The following TMC6 variants were observed in gnomAD, a reference collection of about 807,000 sequenced individuals.
TMC6 encodes transmembrane channel like 6, also known as transmembrane channel-like protein 6.
In TMC6, 71 loss-of-function variants were observed where a neutral mutation model predicts 95.4. The observed-to-expected ratio is 0.74, with a 90% CI of 0.61 to 0.91. The LOEUF (loss-of-function observed/expected upper bound fraction) is 0.91. TMC6 is among the 40% of genes least tolerant of loss of function. The probability of loss-of-function intolerance (pLI) is 0.00; values close to 1 mark genes in which losing one functional copy is unlikely to be tolerated. For missense variants in TMC6, 1,074 were observed against 1,079.1 expected (o/e 1.00, Z 0.07); for synonymous variants, 514 against 483.1 (o/e 1.06, Z -0.84).
At position 78,121,637 on chromosome 17, in the gene TMC6, C is replaced by T. The variant is rs754789741; in HGVS notation, c.1302G>A (p.Leu434=). Residue 434 remains leucine (L), a synonymous_variant, in exon 11 of 20, where the codon CTG becomes CTA. Transcript: ENST00000590602. This position sits in a 1 kb window ranked among gnomAD's most constrained non-coding sequence, Gnocchi z 5.6. ...VCGRLRQAAV[L]GLVWLLCLGT... is the part of the protein sequence containing the mutation. ...CCAGACACAGCAGCCACACAAGCCC[C>T]AGCACAGCCGCCTGCCGCAGCCTCC... The T allele has an allele frequency of 1.9e-6, 3 of 1,607,974 alleles. No homozygotes were observed.
chr17:78,113,696 T>C, intron 18 of TMC6, 72 bp from the exon 19 acceptor site: 1 of 1,522,856 alleles, frequency 6.6e-7, no homozygotes, highest in Non-Finnish European at 9.1e-7. Context: ...TGTTCCAAAC[T>C]GCATTTGAGG....
upstream of TMC6, among the ~76,000 whole-genome samples, chr17:78,129,265 G>C (rs1389231736): frequency 6.6e-6 from 1 of 152,134 alleles, no homozygotes; most frequent in Admixed American, 6.6e-5. This position sits in a 1 kb window ranked among gnomAD's most constrained non-coding sequence, Gnocchi z 4.3. Flanking sequence ...GCTGTGTGGA[G>C]AGGAGGGGAT....
Position 78,126,607 on chromosome 17 carries a change from G to T in TMC6, c.98C>A (p.Ser33Tyr). ...CTGCTCCTGGATGAGCTGCTGGAAGGAGTCGTGCACTTCGCTTTCATCATA... is the reference window on the plus strand; with the variant it reads ...CTGCTCCTGGATGAGCTGCTGGAAGTAGTCGTGCACTTCGCTTTCATCATA... ...SPYDESEVHD[S>Y]FQQLIQEQSQ... The change falls in exon 3 of 20, where the codon TCC becomes TAC. Residue 33 changes from serine (S) to tyrosine (Y), a missense_variant. Physicochemically the swap from Ser to Tyr is moderately radical, Grantham distance 144. Transcript: ENST00000590602. 1.2e-6 allele frequency: 2 copies of T among 1,613,674 alleles called. No homozygotes were observed. Among genetic ancestry groups the T allele is most frequent in the Non-Finnish European group, 1.7e-6 (2 of 1,180,002 alleles).
rs1374894304 is a variant in TMC6, at chr17:78,122,614, G to A, written c.1218C>T (p.Thr406=). ...CTCCGGGGCCACTCACCTTCAGCCG[G>A]GTGCGAATATTGTCCTGCTGGAGGC... The part of the protein sequence containing the change: ...ASRLQQDNIR[T]RLKELLAEWQ... The change falls in exon 10 of 20, where the codon ACC becomes ACT. Residue 406 remains threonine (T), a synonymous_variant. Transcript: ENST00000590602. The surrounding 1 kb of genome is among the most constrained non-coding windows in gnomAD (Gnocchi z 4.9). 2 of 1,610,594 alleles carry A rather than the reference G, an allele frequency of 1.2e-6. No homozygotes were observed. Among genetic ancestry groups the A allele is most frequent in the Non-Finnish European group, 1.7e-6 (2 of 1,179,878 alleles).
At chr17:78,132,265 A>C, upstream of TMC6, 1 of 1,490,164 alleles carries the variant, frequency 6.7e-7, no homozygotes, top group Non-Finnish European at 9.2e-7. Context: ...CCTGGCGGGC[A>C]CCCCACGCCG....
chr17:78,130,131 A>G (rs977544483), upstream of TMC6, among the ~76,000 whole-genome samples: 2 of 152,166 alleles, frequency 1.3e-5, no homozygotes, highest in African/African-American at 2.4e-5. Context: ...TATGTCTTAA[A>G]CATCTAGCCT....
intron 4 of TMC6, 50 bp from the exon 5 acceptor site, chr17:78,125,934 C>T (rs1389200084): frequency 6.5e-7 from 1 of 1,548,690 alleles, no homozygotes; most frequent in African/African-American, 1.4e-5. Flanking sequence ...AGGCCTCCCT[C>T]CCCTCAGGAT....
intron 12 of TMC6, 60 bp downstream of exon 12, chr17:78,120,953 G>C: frequency 6.2e-7 from 1 of 1,612,664 alleles, no homozygotes; most frequent in Non-Finnish European, 8.5e-7. Flanking sequence ...GATACACCCG[G>C]AGCTAAACAA....
Position 78,117,634 on chromosome 17 carries a change from A to G in TMC6, c.2032T>C (p.Ser678Pro). The change falls in exon 17 of 20, where the codon TCG becomes CCG. Residue 678 changes from serine (S) to proline (P), a missense_variant. Physicochemically the swap from Ser to Pro is moderately conservative, Grantham distance 74 (BLOSUM62 -1). Transcript: ENST00000590602. ...GTCCGGAAGGGGCCGCAGGTGCTCG[A>G]GGGCTTCACCCTGGGGAAGATGCCG... ...LCYAVWQVKPSSTCGPFRTLD... is the reference protein window; with the variant it reads ...LCYAVWQVKPPSTCGPFRTLD... 6.4e-7 allele frequency: 1 copy of G among 1,571,594 alleles called. No individual in the cohort carries two copies. The highest frequency in any genetic ancestry group is 8.6e-7 in the Non-Finnish European group (1 of 1,159,406).
intron 18 of TMC6, among the ~76,000 whole-genome samples, chr17:78,116,905 C>T (rs1398383729): frequency 1.3e-5 from 2 of 152,188 alleles, no homozygotes; most frequent in Admixed American, 6.5e-5. Context: ...TAAGTCCTAA[C>T]TCTCAACCTT....
At chr17:78,118,416 T>C (rs1437786824) in intron 15 of TMC6, among the ~76,000 whole-genome samples, 12 of 151,914 alleles carry the variant, frequency 7.9e-5, no homozygotes, top group South Asian at 2.1e-4. Context: ...ATTAGCTGGG[T>C]GTGGTGGCGG....
Position 78,122,612 on chromosome 17 carries a change from C to A in TMC6, c.1220G>T (p.Arg407Leu). 6.2e-7 allele frequency: 1 copy of A among 1,610,448 alleles called. No individual in the cohort carries two copies. The highest frequency in any genetic ancestry group is 8.5e-7 in the Non-Finnish European group (1 of 1,179,842). ...TGCTCCGGGGCCACTCACCTTCAGC[C>A]GGGTGCGAATATTGTCCTGCTGGAG... ...SRLQQDNIRT[R>L]LKELLAEWQL... The change falls in exon 10 of 20, where the codon CGG becomes CTG. Residue 407 changes from arginine to leucine, a missense_variant. By Grantham distance (102) the Arg-to-Leu change is moderately radical (BLOSUM62 -2). Coordinates refer to ENST00000590602, the MANE Select transcript of TMC6 (RefSeq NM_001127198.5). The surrounding 1 kb of genome is among the most constrained non-coding windows in gnomAD (Gnocchi z 4.9).
intron 18 of TMC6, among the ~76,000 whole-genome samples, chr17:78,116,153 T>C (rs2074099026): frequency 1.3e-5 from 2 of 151,900 alleles, no homozygotes; most frequent in African/African-American, 2.4e-5. Context: ...ATTTTTGTAC[T>C]TTTAGTAGAG....
rs1460098326 is a variant in TMC6 at position 78,117,259 on chromosome 17, G to A, written c.2277+10C>T. ...GTGGGGGCTGAGAGCAGCCCAGGAG[G>A]GGCACTCACATTGCTGATCTGCTCC... On this transcript the variant is annotated intron_variant, in intron 18 of 19. Transcript: ENST00000590602. 5.6e-6 allele frequency: 9 copies of A among 1,613,306 alleles called. No individual in the cohort carries two copies. Among genetic ancestry groups the A allele is most frequent in the Non-Finnish European group, 7.6e-6 (9 of 1,179,908 alleles).
intron 8 of TMC6, 72 bp from the exon 9 acceptor site, chr17:78,124,251 C>T: frequency 6.3e-7 from 1 of 1,582,244 alleles, no homozygotes; most frequent in Non-Finnish European, 8.6e-7. Context: ...CTGACAGCCA[C>T]AGGGGCAGAG....
chr17:78,127,024 C>A, intron 1 of TMC6, 118 bp from the exon 2 acceptor site: 2 of 669,762 alleles, frequency 3.0e-6, no homozygotes, highest in Non-Finnish European at 2.6e-6. Flanking sequence ...GTCCCGCCCA[C>A]CCCCCTATCA....
intron 1 of TMC6, among the ~76,000 whole-genome samples, chr17:78,127,971 C>G (rs1305047426): frequency 6.6e-6 from 1 of 152,216 alleles, no homozygotes; most frequent in Non-Finnish European, 1.5e-5. Flanking sequence ...GGACAGCTGC[C>G]GAAAGAGGGG....
At position 78,112,232 on chromosome 17, in the gene TMC6, G is replaced by A. The variant is rs935842474; in HGVS notation, c.*916C>T. ...GCAGGCCTGGAGAACTGAGGCTGAC[G>A]GGCTGGTCCCCGCAGGCCTGGAGCC... On this transcript the variant is annotated 3_prime_UTR_variant, in exon 20 of 20. Transcript: ENST00000590602. 10 of 266,388 alleles carry A rather than the reference G, an allele frequency of 3.8e-5. No homozygotes were observed. The highest frequency in any genetic ancestry group is 5.2e-5 in the Non-Finnish European group (7 of 135,780). The allele number at this position is 266,388 out of a possible 1,614,324, so 16.5% of individuals were successfully genotyped here.
upstream of TMC6, among the ~76,000 whole-genome samples, chr17:78,129,567 C>T (rs1205346570): frequency 1.3e-5 from 2 of 152,100 alleles, no homozygotes; most frequent in Non-Finnish European, 2.9e-5. This position sits in a 1 kb window ranked among gnomAD's most constrained non-coding sequence, Gnocchi z 4.3. Context: ...AGCCATGAAG[C>T]AGGCAGGGTG....
Sources: allele counts gnomAD v4.1 joint callset (sites outside exome capture counted in the v4.1 genomes callset), GRCh38; gene constraint gnomAD v4.1.1; non-coding constraint Gnocchi (gnomAD v3.1); transcripts MANE v1.5; gene names NCBI Gene and HGNC (gene_info 2026-07-23, HGNC 2026-07-21).